The following KCNH5 variants were observed in gnomAD, a reference collection of about 807,000 sequenced individuals.
KCNH5 encodes potassium voltage-gated channel subfamily H member 5, also known as voltage-gated delayed rectifier potassium channel KCNH5.
In KCNH5, 46 loss-of-function variants were observed where a neutral mutation model predicts 96.1. That is an observed-to-expected ratio of 0.48 (90% CI 0.38 to 0.61). The LOEUF is 0.61. KCNH5 is among the 20% of genes least tolerant of loss of function. The pLI is 0.00. For missense variants in KCNH5, 907 were observed against 1,225.8 expected (o/e 0.74, Z 3.88); for synonymous variants, 439 against 449.8 (o/e 0.98, Z 0.30).
intron 10 of KCNH5, among the ~76,000 whole-genome samples, chr14:62,770,739 TTGC>T (rs956670166): frequency 3.3e-5 from 5 of 152,294 alleles, no homozygotes; most frequent in East Asian, 1.9e-4. Context: ...CTGAATGTTG[TTGC>T]TGCTGCTGCT....
intron 10 of KCNH5, among the ~76,000 whole-genome samples, chr14:62,766,409 A>G (rs949529037): frequency 1.5e-4 from 23 of 152,184 alleles, no homozygotes; most frequent in Admixed American, 2.6e-4. Flanking sequence ...TACAATAGCT[A>G]AGAATTGGAA....
intron 7 of KCNH5, among the ~76,000 whole-genome samples, chr14:62,895,973 T>G (rs924826254): frequency 9.2e-5 from 14 of 152,056 alleles, no homozygotes; most frequent in Admixed American, 9.2e-4. Context: ...AAATAATAAT[T>G]AAGGGTGGGG....
At chr14:62,736,560 C>T (rs1885161875) in intron 10 of KCNH5, among the ~76,000 whole-genome samples, 1 of 152,072 alleles carries the variant, frequency 6.6e-6, no homozygotes, top group Admixed American at 6.6e-5. Flanking sequence ...CAGGAAGATG[C>T]CAGCCTTGAG....
At chr14:62,737,942 T>C (rs531676790) in intron 10 of KCNH5, among the ~76,000 whole-genome samples, 1 of 152,122 alleles carries the variant, frequency 6.6e-6, no homozygotes, top group Non-Finnish European at 1.5e-5. Flanking sequence ...CTGAACCATA[T>C]ACATTTTTCC....
At chr14:62,875,742 C>A (rs555494422) in intron 7 of KCNH5, among the ~76,000 whole-genome samples, 1 of 152,112 alleles carries the variant, frequency 6.6e-6, no homozygotes, top group Non-Finnish European at 1.5e-5. Context: ...TGTGGCCAGG[C>A]GCAGTGGCTC....
intron 1 of KCNH5, among the ~76,000 whole-genome samples, chr14:63,020,101 C>T (rs1313202538): frequency 6.6e-6 from 1 of 152,054 alleles, no homozygotes; most frequent in East Asian, 1.9e-4. Flanking sequence ...CATCAGGAAA[C>T]ATGAACTGAA....
At chr14:62,717,549 A>C (rs1884711198) in intron 10 of KCNH5, among the ~76,000 whole-genome samples, 1 of 152,206 alleles carries the variant, frequency 6.6e-6, no homozygotes, top group South Asian at 2.1e-4. Context: ...AAAGAAGAAT[A>C]ATCTTTTGAA....
intron 8 of KCNH5, among the ~76,000 whole-genome samples, chr14:62,812,150 G>A (rs536156817): frequency 6.6e-6 from 1 of 151,992 alleles, no homozygotes; most frequent in South Asian, 2.1e-4. Flanking sequence ...TATAATATCT[G>A]GTACCTTCTC....
intron 7 of KCNH5, among the ~76,000 whole-genome samples, chr14:62,949,122 C>G (rs1303262977): frequency 6.6e-6 from 1 of 152,038 alleles, no homozygotes; most frequent in Non-Finnish European, 1.5e-5. Flanking sequence ...CCCTCTCTCA[C>G]CACTCCTATT....
chr14:62,888,780 T>C (rs1888647403), intron 7 of KCNH5, among the ~76,000 whole-genome samples: 2 of 152,172 alleles, frequency 1.3e-5, no homozygotes, highest in Non-Finnish European at 2.9e-5. Context: ...ATCTGCATAA[T>C]TCATCTGGAC....
intron 7 of KCNH5, among the ~76,000 whole-genome samples, chr14:62,941,366 T>C (rs1181092840): frequency 1.3e-5 from 2 of 152,128 alleles, no homozygotes; most frequent in Non-Finnish European, 2.9e-5. Flanking sequence ...CTAGTTGGAA[T>C]AAGAATCAGG....
intron 10 of KCNH5, among the ~76,000 whole-genome samples, chr14:62,713,742 A>G (rs906721727): frequency 2.0e-5 from 3 of 152,234 alleles, no homozygotes; most frequent in African/African-American, 7.2e-5. Flanking sequence ...ATGTACAAAT[A>G]TAACAAATAA....
intron 7 of KCNH5, among the ~76,000 whole-genome samples, chr14:62,866,459 T>C (rs1225137599): frequency 6.6e-6 from 1 of 152,188 alleles, no homozygotes; most frequent in Non-Finnish European, 1.5e-5. Context: ...TTTCAATAAA[T>C]CATTACTGCC....
chr14:62,824,702 C>T (rs938769155), intron 8 of KCNH5, among the ~76,000 whole-genome samples: 3 of 151,976 alleles, frequency 2.0e-5, no homozygotes, highest in Non-Finnish European at 2.9e-5. Context: ...GTTCAGTAAA[C>T]GAATGATCTT....
intron 7 of KCNH5, among the ~76,000 whole-genome samples, chr14:62,876,462 T>C (rs1888374562): frequency 6.6e-6 from 1 of 152,168 alleles, no homozygotes; most frequent in Admixed American, 6.6e-5. Flanking sequence ...TTAATAAATC[T>C]ATCAAAAGCA....
intron 7 of KCNH5, among the ~76,000 whole-genome samples, chr14:62,890,741 G>A (rs1258303394): frequency 3.4e-5 from 5 of 145,056 alleles, no homozygotes; most frequent in African/African-American, 1.3e-4. Context: ...GACATAAACA[G>A]ACACTTTTCA....
intron 8 of KCNH5, among the ~76,000 whole-genome samples, chr14:62,831,601 T>C (rs1595644349): frequency 1.3e-5 from 2 of 152,210 alleles, no homozygotes; most frequent in Admixed American, 1.3e-4. Context: ...CAAGAATCCT[T>C]TATGTATTGT....
intron 10 of KCNH5, among the ~76,000 whole-genome samples, chr14:62,722,829 A>T (rs1884843465): frequency 6.6e-6 from 1 of 152,208 alleles, no homozygotes; most frequent in South Asian, 2.1e-4. Context: ...TGAGGCTCAG[A>T]GAAGTTATAT....
rs371199112 is a variant in KCNH5, at chr14:62,779,944, A to T, written c.1823-20T>A. The T allele has an allele frequency of 6.3e-7, 1 of 1,589,986 alleles. No homozygotes were observed. The highest frequency in any genetic ancestry group is 1.3e-5 in the African/African-American group (1 of 74,206). On this transcript the variant is annotated intron_variant, in intron 9 of 10. Transcript: ENST00000322893. The stretch of plus-strand genomic sequence containing the variant: ...CCTTCCCTAGAAAACAGTATAAGAT[A>T]CATATTCAAGTATCTAACACTGTTC...
Sources: gnomAD v4.1 joint callset for allele counts (sites outside exome capture counted in the v4.1 genomes callset) on GRCh38, gnomAD v4.1.1 for gene constraint, MANE v1.5 for transcripts, NCBI Gene and HGNC (gene_info 2026-07-23, HGNC 2026-07-21) for gene names.